The following EGFR variants were observed in gnomAD, a reference collection of about 807,000 sequenced individuals.
EGFR encodes the protein avian erythroblastic leukemia viral (v-erb-b) oncogene homolog.
Under a neutral mutation model 143.0 loss-of-function variants are expected in EGFR, and 58 were observed. The observed-to-expected ratio is 0.41, with a 90% CI of 0.33 to 0.50. The LOEUF (loss-of-function observed/expected upper bound fraction) is 0.50, where lower values mean the gene tolerates loss of function less well. Ranked by LOEUF, EGFR falls within the 20% of genes least tolerant of loss-of-function variation. The pLI is 0.39. For synonymous variants in EGFR, 613 were observed against 594.4 expected (o/e 1.03, Z -0.45); for missense variants, 1,307 against 1,579.0 (o/e 0.83, Z 2.92).
intron 1 of EGFR, among the ~76,000 whole-genome samples, chr7:55,044,499 G>C (rs979831661): frequency 1.3e-5 from 2 of 152,232 alleles, no homozygotes; most frequent in Non-Finnish European, 2.9e-5. Context: ...CTGGGCACCT[G>C]ACTCAGCAGC....
Position 55,206,295 on chromosome 7 carries a change from G to A in EGFR, c.*678G>A. 1 of 235,334 alleles carries A rather than the reference G, an allele frequency of 4.2e-6. No individual in the cohort carries two copies. Among genetic ancestry groups the A allele is most frequent in the Non-Finnish European group, 8.4e-6 (1 of 119,526 alleles). 14.6% of individuals were successfully genotyped at this position (235,334 alleles called of 1,614,324 possible). On this transcript the variant is annotated 3_prime_UTR_variant, in exon 28 of 28. Coordinates refer to ENST00000275493, the MANE Select transcript of EGFR (RefSeq NM_005228.5). ...CTTACTTTTGTAAAAATGTCCCCACGGTACTTACTCCCCACTGATGGACCA... is the reference window on the plus strand; with the variant it reads ...CTTACTTTTGTAAAAATGTCCCCACAGTACTTACTCCCCACTGATGGACCA...
At chr7:55,111,151 C>T (rs981866655) in intron 1 of EGFR, among the ~76,000 whole-genome samples, 10 of 152,168 alleles carry the variant, frequency 6.6e-5, no homozygotes, top group African/African-American at 2.4e-4. Context: ...TCGGGTATCG[C>T]GCGGTGTGTG....
intron 1 of EGFR, among the ~76,000 whole-genome samples, chr7:55,070,281 C>G (rs1169083751): frequency 6.6e-6 from 1 of 152,122 alleles, no homozygotes; most frequent in Non-Finnish European, 1.5e-5. Context: ...CTCTTTCTTC[C>G]TGGTTAGACA....
chr7:55,175,836 A>G lies in EGFR; in HGVS notation c.2283+1016A>G, dbSNP rs185335069. ...AGATACAATTTTTTAATTGGAGGAA[A>G]TCTACAGTTTAATTTTCTCTGGGCA... On this transcript the variant is annotated intron_variant, in intron 19 of 27. Coordinates refer to ENST00000275493, the MANE Select transcript of EGFR (RefSeq NM_005228.5). Among the ~76,000 whole-genome samples the G allele has an allele frequency of 1.7e-4, 26 of 152,334 alleles. No homozygotes were observed. The East Asian group carries it at 4.6e-3, about 27-fold the overall frequency.
chr7:55,064,215 G>T (rs1337378299), intron 1 of EGFR, among the ~76,000 whole-genome samples: 1 of 152,188 alleles, frequency 6.6e-6, no homozygotes, highest in Non-Finnish European at 1.5e-5. Flanking sequence ...GTTGTATGTA[G>T]TATCCACAGG....
intron 27 of EGFR, among the ~76,000 whole-genome samples, chr7:55,204,411 C>T (rs1391497897): frequency 6.7e-6 from 1 of 149,296 alleles, no homozygotes; most frequent in Non-Finnish European, 1.5e-5. Flanking sequence ...CATATACACA[C>T]CACACACCAT....
At chr7:55,159,566 C>T (rs1300145355) in intron 11 of EGFR, among the ~76,000 whole-genome samples, 2 of 152,234 alleles carry the variant, frequency 1.3e-5, no homozygotes, top group Non-Finnish European at 2.9e-5. Flanking sequence ...CAGACCTGGT[C>T]AGAGGCCCCT....
At chr7:55,203,684 ACACCACACATACACG>A (rs968636874) in intron 27 of EGFR, among the ~76,000 whole-genome samples, 5 of 149,766 alleles carry the variant, frequency 3.3e-5, no homozygotes, top group East Asian at 4.0e-4. Context: ...CACACCACAC[ACACCACACATACACG>A]CACCACACAT....
chr7:55,141,456 T>C (rs1455028330), intron 1 of EGFR, among the ~76,000 whole-genome samples: 1 of 152,170 alleles, frequency 6.6e-6, no homozygotes, highest in Non-Finnish European at 1.5e-5. Flanking sequence ...CAAGATTGTA[T>C]GCTGGTGGTG....
At position 55,121,691 on chromosome 7, in the gene EGFR, T is replaced by C. The variant is rs144591625; in HGVS notation, c.89-20595T>C. Among the ~76,000 whole-genome samples the C allele has an allele frequency of 9.5e-4, 145 of 152,358 alleles. 2 individuals are homozygous for C. In the East Asian group the frequency reaches 0.027, roughly 29 times the overall value. ...ACTCTATCACATAATGGTGACTTTGTCTTCTATTTTGGATTACTGAGCTTT... is the reference window on the plus strand; with the variant it reads ...ACTCTATCACATAATGGTGACTTTGCCTTCTATTTTGGATTACTGAGCTTT... On this transcript the variant is annotated intron_variant, in intron 1 of 27. Coordinates refer to ENST00000275493, the MANE Select transcript of EGFR (RefSeq NM_005228.5).
intron 20 of EGFR, among the ~76,000 whole-genome samples, chr7:55,190,235 A>G (rs1325081765): frequency 6.6e-6 from 1 of 152,144 alleles, no homozygotes. Flanking sequence ...GCAGGGAAGC[A>G]CTAACGTCCA....
chr7:55,040,152 C>G (rs558315040), intron 1 of EGFR, among the ~76,000 whole-genome samples: 6 of 152,218 alleles, frequency 3.9e-5, no homozygotes, highest in East Asian at 1.9e-4. Flanking sequence ...CTGCAGGGAG[C>G]CTTGAGTTCT....
chr7:55,068,026 G>A (rs1789611841), intron 1 of EGFR, among the ~76,000 whole-genome samples: 1 of 150,966 alleles, frequency 6.6e-6, no homozygotes, highest in Non-Finnish European at 1.5e-5. Context: ...GTGCCTGTGT[G>A]TATGTGTATA....
intron 1 of EGFR, among the ~76,000 whole-genome samples, chr7:55,058,041 C>T (rs1583930740): frequency 6.6e-6 from 1 of 152,302 alleles, no homozygotes; most frequent in East Asian, 1.9e-4. Context: ...TATTCAAATA[C>T]TATTTGACCC....
At chr7:55,145,326 T>G (rs17289638) in intron 3 of EGFR, among the ~76,000 whole-genome samples, 1,795 of 152,336 alleles carry the variant, frequency 0.012, 37 homozygotes, top group African/African-American at 0.041. Context: ...TGTGCATGGC[T>G]TTTTCATGAG....
chr7:55,184,730 C>T (rs1339250030), intron 20 of EGFR, among the ~76,000 whole-genome samples: 1 of 152,156 alleles, frequency 6.6e-6, no homozygotes, highest in East Asian at 1.9e-4. Flanking sequence ...CGCTTTGTCT[C>T]TGTTAGATTT....
chr7:55,117,082 C>A (rs369927936), intron 1 of EGFR, among the ~76,000 whole-genome samples: 6 of 152,262 alleles, frequency 3.9e-5, no homozygotes, highest in Non-Finnish European at 7.4e-5. Flanking sequence ...CATTTTCCAG[C>A]GCAGTTATAG....
At chr7:55,131,264 G>A (rs756484462) in intron 1 of EGFR, among the ~76,000 whole-genome samples, 8 of 151,854 alleles carry the variant, frequency 5.3e-5, no homozygotes, top group African/African-American at 1.5e-4. Flanking sequence ...CTAAACTGCC[G>A]GCAGAGGCTG....
At chr7:55,040,754 G>C (rs1334777905) in intron 1 of EGFR, among the ~76,000 whole-genome samples, 1 of 152,024 alleles carries the variant, frequency 6.6e-6, no homozygotes, top group Non-Finnish European at 1.5e-5. Context: ...ATCTGATCTT[G>C]TTTATAGAAA....
Sources: gnomAD v4.1 joint callset for allele counts (sites outside exome capture counted in the v4.1 genomes callset) on GRCh38, gnomAD v4.1.1 for gene constraint, MANE v1.5 for transcripts, NCBI Gene and HGNC (gene_info 2026-07-23, HGNC 2026-07-21) for gene names.